Variants in LYPD6 observed in about 807,000 individuals in gnomAD.
LYPD6 encodes the protein ly6/PLAUR domain-containing protein 6.
Under a neutral mutation model 22.7 loss-of-function variants are expected in LYPD6, and 15 were observed. That is an observed-to-expected ratio of 0.66 (90% CI 0.44 to 1.02). The LOEUF (loss-of-function observed/expected upper bound fraction) is 1.02. Ranked by LOEUF, LYPD6 falls within the 50% of genes least tolerant of loss-of-function variation. LYPD6 has a pLI of 0.00. For missense variants in LYPD6, 189 were observed against 208.4 expected, an observed-to-expected ratio of 0.91 and a Z score of 0.57; for synonymous variants, 72 against 77.5, an observed-to-expected ratio of 0.93 and a Z score of 0.37.
intron 1 of LYPD6, among the ~76,000 whole-genome samples, chr2:149,365,718 A>C (rs932545462): frequency 6.6e-6 from 1 of 152,236 alleles, no homozygotes; most frequent in African/African-American, 2.4e-5. Context: ...AAGAACAGCT[A>C]CTACACTTGA....
At chr2:149,385,590 G>A (rs1379066117) in intron 1 of LYPD6, among the ~76,000 whole-genome samples, 1 of 152,150 alleles carries the variant, frequency 6.6e-6, no homozygotes, top group Non-Finnish European at 1.5e-5. Flanking sequence ...AATGACCAGT[G>A]GATTCAGTGA....
At chr2:149,343,425 CCTTAAAT>C (rs1217418250) in intron 1 of LYPD6, among the ~76,000 whole-genome samples, 1 of 152,204 alleles carries the variant, frequency 6.6e-6, no homozygotes, top group Non-Finnish European at 1.5e-5. Flanking sequence ...CATCCATCTG[CCTTAAAT>C]TATCTTCCAA....
At chr2:149,432,357 A>G (rs1387644585) in intron 1 of LYPD6, among the ~76,000 whole-genome samples, 4 of 152,252 alleles carry the variant, frequency 2.6e-5, no homozygotes, top group African/African-American at 7.2e-5. Context: ...AATGTCTATC[A>G]TCTGATAATG....
chr2:149,447,760 G>A (rs1484199902), intron 2 of LYPD6, among the ~76,000 whole-genome samples: 2 of 152,204 alleles, frequency 1.3e-5, no homozygotes, highest in African/African-American at 2.4e-5. Context: ...GTTGACATGA[G>A]TAAGTTATTA....
At chr2:149,457,700 T>G (rs960733085) in intron 3 of LYPD6, among the ~76,000 whole-genome samples, 9 of 152,204 alleles carry the variant, frequency 5.9e-5, no homozygotes, top group African/African-American at 1.4e-4. Context: ...TGTCAGAAGC[T>G]GAAAACTCCC....
At chr2:149,345,183 C>T (rs1047995644) in intron 1 of LYPD6, among the ~76,000 whole-genome samples, 1 of 152,028 alleles carries the variant, frequency 6.6e-6, no homozygotes, top group East Asian at 1.9e-4. Flanking sequence ...TGTTGCATGT[C>T]GTGAATTCTC....
At chr2:149,430,239 A>G (rs935608489) in intron 1 of LYPD6, among the ~76,000 whole-genome samples, 2 of 152,146 alleles carry the variant, frequency 1.3e-5, no homozygotes, top group Non-Finnish European at 1.5e-5. Flanking sequence ...AGCTGGGATT[A>G]CAGGTGCCCG....
At position 149,466,507 on chromosome 2, in the gene LYPD6, A is replaced by G. The variant is rs183109557; in HGVS notation, c.218-2138A>G. On this transcript the variant is annotated intron_variant, in intron 3 of 4. Transcript: ENST00000334166. The stretch of plus-strand genomic sequence containing the variant: ...TCTCCCTTCTACCCCCAGAATGGCA[A>G]AAAATCAGCTTATTAGGTACTAAGG... Among the ~76,000 whole-genome samples the G allele has an allele frequency of 1.3e-3, 194 of 152,308 alleles. 2 individuals carry two copies. The highest frequency in any genetic ancestry group is 6.2e-4 in the Non-Finnish European group (42 of 68,028).
intron 1 of LYPD6, among the ~76,000 whole-genome samples, chr2:149,366,156 T>C (rs1360604930): frequency 1.3e-5 from 2 of 152,244 alleles, no homozygotes; most frequent in African/African-American, 4.8e-5. Flanking sequence ...ATATAGATTA[T>C]ATCTCCACCT....
chr2:149,332,886 G>T (rs1169696336), intron 1 of LYPD6, among the ~76,000 whole-genome samples: 1 of 152,170 alleles, frequency 6.6e-6, no homozygotes, highest in Admixed American at 6.5e-5. Flanking sequence ...AAAGAGATAC[G>T]TTATTTTTGC....
intron 1 of LYPD6, among the ~76,000 whole-genome samples, chr2:149,424,240 G>A (rs1683144268): frequency 6.6e-6 from 1 of 152,156 alleles, no homozygotes; most frequent in Non-Finnish European, 1.5e-5. Flanking sequence ...AGGGGTTGGG[G>A]ACCTAAGGAT....
chr2:149,331,224 G>C (rs184470288), intron 1 of LYPD6, among the ~76,000 whole-genome samples: 1 of 152,066 alleles, frequency 6.6e-6, no homozygotes, highest in South Asian at 2.1e-4. Flanking sequence ...GTACCTCCCC[G>C]CCGCTGCAAG....
Position 149,466,821 on chromosome 2 carries a change from C to T in LYPD6, c.218-1824C>T, listed in dbSNP as rs112403355. 6.0e-3 allele frequency among the ~76,000 whole-genome samples: 903 copies of T among 151,380 alleles called. 5 individuals carry two copies. Among genetic ancestry groups the T allele is most frequent in the African/African-American group, 0.02 (830 of 41,262 alleles). On this transcript the variant is annotated intron_variant, in intron 3 of 4. Coordinates refer to ENST00000334166, the MANE Select transcript of LYPD6 (RefSeq NM_194317.5). ...GGATTTACATTTGGAGCAGTAAAAC[C>T]TCTGGCAGCTGCTCTTAGCTGTCTG... is the stretch of plus-strand genomic sequence containing the variant.
chr2:149,369,770 A>G (rs1039475533), intron 1 of LYPD6, among the ~76,000 whole-genome samples: 3 of 152,206 alleles, frequency 2.0e-5, no homozygotes, highest in Non-Finnish European at 4.4e-5. Context: ...ATTCAGGAAG[A>G]AAAGGACTGT....
At chr2:149,419,287 TTTC>T (rs1209054835) in intron 1 of LYPD6, among the ~76,000 whole-genome samples, 1 of 152,188 alleles carries the variant, frequency 6.6e-6, no homozygotes, top group Non-Finnish European at 1.5e-5. Context: ...TGTGTTATAT[TTTC>T]TTATTTAATT....
At chr2:149,409,578 G>A (rs775189568) in intron 1 of LYPD6, among the ~76,000 whole-genome samples, 5 of 152,090 alleles carry the variant, frequency 3.3e-5, no homozygotes, top group Admixed American at 6.5e-5. Context: ...TTGGGGCAGG[G>A]ATAGGCATGT....
At chr2:149,346,154 C>T (rs1029898630) in intron 1 of LYPD6, among the ~76,000 whole-genome samples, 6 of 152,100 alleles carry the variant, frequency 3.9e-5, no homozygotes, top group African/African-American at 1.2e-4. Flanking sequence ...GTAATGTAGC[C>T]ACTGCCTGGC....
chr2:149,475,665 T>C (rs1034123311), downstream of LYPD6, among the ~76,000 whole-genome samples: 1 of 152,222 alleles, frequency 6.6e-6, no homozygotes, highest in African/African-American at 2.4e-5. Context: ...TCTACATAGC[T>C]GTATTTGAAA....
intron 3 of LYPD6, among the ~76,000 whole-genome samples, chr2:149,452,223 A>G (rs1680842892): frequency 6.6e-6 from 1 of 152,190 alleles, no homozygotes; most frequent in Non-Finnish European, 1.5e-5. Flanking sequence ...TAGTGGAGCC[A>G]GGTGATTTTT....
Sources: allele counts gnomAD v4.1 joint callset (sites outside exome capture counted in the v4.1 genomes callset), GRCh38; gene constraint gnomAD v4.1.1; transcripts MANE v1.5; gene names NCBI Gene and HGNC (gene_info 2026-07-23, HGNC 2026-07-21).